COBL: variants seen among roughly 807,000 people sequenced by gnomAD.
The protein encoded by COBL is cordon-bleu WH2 repeat protein.
Under a neutral mutation model 98.8 loss-of-function variants are expected in COBL, and 51 were observed. The ratio of observed to expected loss-of-function variants is 0.52; its 90% CI spans 0.41 to 0.65. The LOEUF is 0.65. Among genes scored for constraint, COBL ranks in the 30% least tolerant of loss-of-function variants. The pLI is 0.00. For missense variants in COBL, 1,617 were observed against 1,617.5 expected (o/e 1.00, Z 0.01); for synonymous variants, 634 against 651.7 (o/e 0.97, Z 0.41).
chr7:51,061,015 A>G (rs1335019813), intron 7 of COBL, among the ~76,000 whole-genome samples: 3 of 152,184 alleles, frequency 2.0e-5, no homozygotes, highest in Non-Finnish European at 4.4e-5. Context: ...GACCCAATCC[A>G]GGTAGTACCA....
At chr7:51,165,541 C>A (rs1447044099) in intron 5 of COBL, among the ~76,000 whole-genome samples, 2 of 152,002 alleles carry the variant, frequency 1.3e-5, no homozygotes, top group Non-Finnish European at 2.9e-5. Flanking sequence ...ACCCCAATTT[C>A]AGCACTGGAC....
At chr7:51,213,994 G>A (rs751003896) in intron 2 of COBL, among the ~76,000 whole-genome samples, 18 of 152,050 alleles carry the variant, frequency 1.2e-4, no homozygotes, top group Admixed American at 2.0e-4. Flanking sequence ...CTGTGGGCAC[G>A]GTGGCTCACG....
intron 7 of COBL, among the ~76,000 whole-genome samples, chr7:51,075,022 CT>C (rs1436688488): frequency 1.3e-5 from 2 of 152,136 alleles, no homozygotes; most frequent in Non-Finnish European, 2.9e-5. Flanking sequence ...AGAAGTATAA[CT>C]TCAACATGAT....
Position 51,025,252 on chromosome 7 carries a change from G to A in COBL, c.3625C>T (p.Pro1209Ser). Residue 1209 changes from proline (P) to serine (S), a missense_variant, in exon 12 of 13, where the codon CCA (proline) becomes TCA (serine). By Grantham distance (74) the Pro-to-Ser change is moderately conservative. Around this residue, in one of 3 missense-constraint regions of COBL, gnomAD observed 1,304 missense variants for 1,282.0 expected, o/e 1.02. Transcript: ENST00000265136. ...GLLSPPAIPPPPPPPSQALSA... is the reference protein window; with the variant it reads ...GLLSPPAIPPSPPPPSQALSA... The stretch of plus-strand genomic sequence containing the variant: ...AGAGCCTGGGAGGGTGGAGGGGGTG[G>A]TGGGGGAATGGCTGGTGGGGACAGA... 6.2e-7 allele frequency: 1 copy of A among 1,606,742 alleles called. No homozygotes were observed. The highest frequency in any genetic ancestry group is 8.5e-7 in the Non-Finnish European group (1 of 1,176,878).
chr7:51,225,387 C>T (rs76862321), intron 1 of COBL, among the ~76,000 whole-genome samples: 1,562 of 152,326 alleles, frequency 0.01, 24 homozygotes, highest in African/African-American at 0.036. Context: ...GCCATCAGAC[C>T]TGGGACCTTG....
chr7:51,234,674 C>G (rs948542413), intron 1 of COBL, among the ~76,000 whole-genome samples: 5 of 148,570 alleles, frequency 3.4e-5, no homozygotes, highest in Non-Finnish European at 7.4e-5. Context: ...CCACTCTAGC[C>G]TGGGTGACAG....
At chr7:51,108,542 C>A (rs1796528330) in intron 6 of COBL, among the ~76,000 whole-genome samples, 1 of 152,182 alleles carries the variant, frequency 6.6e-6, no homozygotes, top group South Asian at 2.1e-4. Context: ...AACAGTTTTG[C>A]AAAGTGATTG....
At chr7:51,264,273 C>T (rs1027429613) in intron 1 of COBL, among the ~76,000 whole-genome samples, 1 of 152,148 alleles carries the variant, frequency 6.6e-6, no homozygotes, top group African/African-American at 2.4e-5. Context: ...CTTTAGGGGC[C>T]TGGCTGAATA....
intron 7 of COBL, among the ~76,000 whole-genome samples, chr7:51,077,527 C>T (rs556651878): frequency 1.3e-5 from 2 of 152,258 alleles, no homozygotes; most frequent in Admixed American, 1.3e-4. Context: ...TGGCCACACA[C>T]ACCTTCACAC....
At position 51,091,746 on chromosome 7, in the gene COBL, C is replaced by G. The variant is rs185100782; in HGVS notation, c.958-6442G>C. Among the ~76,000 whole-genome samples the G allele has an allele frequency of 1.4e-3, 218 of 152,206 alleles. 2 individuals are homozygous for G. The highest frequency in any genetic ancestry group is 4.6e-3 in the South Asian group (22 of 4,804). On this transcript the variant is annotated intron_variant, in intron 6 of 12. Coordinates refer to ENST00000265136, the MANE Select transcript of COBL (RefSeq NM_015198.5). ...TCATTAAAATCAAGCTATCAATAGTCAAAGACAAAGAAAGAAACTTGAAAA... is the reference window on the plus strand; with the variant it reads ...TCATTAAAATCAAGCTATCAATAGTGAAAGACAAAGAAAGAAACTTGAAAA...
chr7:51,019,501 T>G (rs1786709625), intron 12 of COBL, among the ~76,000 whole-genome samples: 1 of 152,102 alleles, frequency 6.6e-6, no homozygotes, highest in Admixed American at 6.6e-5. Flanking sequence ...GACGTGAGGT[T>G]AATAAAGGAA....
rs534097754 is a variant in COBL, at chr7:51,026,487, G to A, written c.3504+59C>T. 2.5e-5 allele frequency: 40 copies of A among 1,592,898 alleles called. No homozygotes were observed. The South Asian group carries it at 3.0e-4, about 12-fold the overall frequency. On this transcript the variant is annotated intron_variant, in intron 11 of 12. Coordinates refer to ENST00000265136, the MANE Select transcript of COBL (RefSeq NM_015198.5). ...TCTGCAGCCACCACCCAAGTGCCTC[G>A]GAAGAAGGGGTGGGTGGGTTTGAGC...
chr7:51,075,136 T>C (rs1196222690), intron 7 of COBL, among the ~76,000 whole-genome samples: 2 of 152,264 alleles, frequency 1.3e-5, no homozygotes, highest in Non-Finnish European at 2.9e-5. Flanking sequence ...TCATGGTTTT[T>C]GGAAAATGGA....
intron 6 of COBL, among the ~76,000 whole-genome samples, chr7:51,116,668 T>C (rs945885871): frequency 2.6e-5 from 4 of 152,156 alleles, no homozygotes; most frequent in African/African-American, 9.6e-5. Flanking sequence ...ACTCTTTATG[T>C]CTTTCTAAGA....
intron 5 of COBL, among the ~76,000 whole-genome samples, chr7:51,152,733 T>C (rs1339361084): frequency 6.6e-6 from 1 of 152,216 alleles, no homozygotes; most frequent in Non-Finnish European, 1.5e-5. Flanking sequence ...TAATTGACAA[T>C]ATAAACAGGC....
rs1045540086 is a variant in COBL, at chr7:51,063,896, T to C, written c.1097-20204A>G. Among the ~76,000 whole-genome samples the C allele has an allele frequency of 2.0e-4, 31 of 152,332 alleles. 1 individual carries two copies. Among genetic ancestry groups the C allele is most frequent in the Middle Eastern group, 6.8e-3 (2 of 294 alleles). On this transcript the variant is annotated intron_variant, in intron 7 of 12. Transcript: ENST00000265136. ...GTAATTCTCAAAAGCACTTTTTCTTTCAATATGAAGAAACTCAGGCACAGA... is the reference window on the plus strand; with the variant it reads ...GTAATTCTCAAAAGCACTTTTTCTTCCAATATGAAGAAACTCAGGCACAGA...
rs1219445851 is a variant in COBL at position 51,231,510 on chromosome 7, C to T, written c.42-11566G>A. 2.6e-5 allele frequency among the ~76,000 whole-genome samples: 4 copies of T among 152,154 alleles called. No individual in the cohort carries two copies. In the East Asian group the frequency reaches 5.8e-4, roughly 22 times the overall value. ...GCAGAACTGCAGGCCTGAAGCTGCC[C>T]GGGAGCACTGTGATGTGAGTCTCTG... On this transcript the variant is annotated intron_variant, in intron 1 of 12. Coordinates refer to ENST00000265136, the MANE Select transcript of COBL (RefSeq NM_015198.5).
At chr7:51,146,372 T>G (rs1785031416) in intron 5 of COBL, among the ~76,000 whole-genome samples, 1 of 152,096 alleles carries the variant, frequency 6.6e-6, no homozygotes, top group Non-Finnish European at 1.5e-5. Context: ...CAAGTGCACA[T>G]CCCCATGACT....
At chr7:51,172,550 C>A (rs763733308) in intron 5 of COBL, 2 of 1,278,482 alleles carry the variant, frequency 1.6e-6, no homozygotes, top group Non-Finnish European at 2.0e-6. Flanking sequence ...AAGCACCAGG[C>A]CACATCATCT....
Sources: gnomAD v4.1 joint callset for allele counts (sites outside exome capture counted in the v4.1 genomes callset) on GRCh38, gnomAD v4.1.1 for gene constraint, gnomAD v4.1.1 regional missense constraint, MANE v1.5 for transcripts, NCBI Gene and HGNC (gene_info 2026-07-23, HGNC 2026-07-21) for gene names.